The following DNAH6 variants were observed in gnomAD, a reference collection of about 807,000 sequenced individuals.
DNAH6 encodes axonemal beta dynein heavy chain 6.
DNAH6 carries 340 observed loss-of-function variants against 491.4 expected under a neutral mutation model. The observed-to-expected ratio is 0.69, with a 90% confidence interval of 0.63 to 0.76. The LOEUF (loss-of-function observed/expected upper bound fraction) is 0.76. Among genes scored for constraint, DNAH6 ranks in the 30% least tolerant of loss-of-function variants. The probability of loss-of-function intolerance (pLI) is 0.00; values close to 1 mark genes in which losing one functional copy is unlikely to be tolerated. For synonymous variants in DNAH6, 1,603 were observed against 1,686.1 expected (o/e 0.95, Z 1.21); for missense variants, 4,443 against 4,972.2 (o/e 0.89, Z 3.20).
At position 84,722,745 on chromosome 2, in the gene DNAH6, A is replaced by G. The variant is rs1417233847; in HGVS notation, c.9913A>G (p.Ile3305Val). 4 of 1,538,936 alleles carry G rather than the reference A, an allele frequency of 2.6e-6. No homozygotes were observed. Among genetic ancestry groups the G allele is most frequent in the African/African-American group, 1.4e-5 (1 of 72,006 alleles). ...ATQGSVMYFVIASLSEIDPMY... is the reference protein window; with the variant it reads ...ATQGSVMYFVVASLSEIDPMY... ...TCAAGGCTCTGTAATGTACTTTGTCATTGCAAGCCTCTCAGAAATAGATCC... is the reference window on the plus strand; with the variant it reads ...TCAAGGCTCTGTAATGTACTTTGTCGTTGCAAGCCTCTCAGAAATAGATCC... The change falls in exon 60 of 77, where the codon ATT becomes GTT. Residue 3305 changes from isoleucine to valine, a missense_variant. This residue lies in a region of DNAH6 where 1,463 missense variants were observed against 1,656.6 expected (regional missense o/e 0.88). Transcript: ENST00000389394.
At chr2:84,560,975 A>G (rs545588099) in intron 11 of DNAH6, among the ~76,000 whole-genome samples, 2 of 151,756 alleles carry the variant, frequency 1.3e-5, no homozygotes, top group South Asian at 4.2e-4. Context: ...GTATATACCC[A>G]GTAATGGGAT....
chr2:84,648,645 C>T (rs1690123648), intron 33 of DNAH6, among the ~76,000 whole-genome samples: 1 of 152,110 alleles, frequency 6.6e-6, no homozygotes, highest in South Asian at 2.1e-4. Context: ...AGAAGTGGAG[C>T]CTGAAGATGT....
intron 33 of DNAH6, among the ~76,000 whole-genome samples, chr2:84,652,351 T>C (rs1279784639): frequency 1.3e-5 from 2 of 152,084 alleles, no homozygotes; most frequent in Non-Finnish European, 1.5e-5. Context: ...ATTAGAGTCA[T>C]TGGGAATCAT....
At chr2:84,545,262 G>A (rs1678661988) in intron 5 of DNAH6, among the ~76,000 whole-genome samples, 1 of 152,026 alleles carries the variant, frequency 6.6e-6, no homozygotes, top group Non-Finnish European at 1.5e-5. Flanking sequence ...AACATTCAAG[G>A]TCTCTGGCTA....
At chr2:84,522,726 G>GT (rs369504245) in intron 2 of DNAH6, among the ~76,000 whole-genome samples, 57 of 151,916 alleles carry the variant, frequency 3.8e-4, no homozygotes, top group African/African-American at 1.0e-3. Context: ...AGATAATCAT[G>GT]TTTTTTTTGT....
intron 16 of DNAH6, among the ~76,000 whole-genome samples, chr2:84,589,812 G>A (rs1428363668): frequency 6.6e-6 from 1 of 151,652 alleles, no homozygotes; most frequent in East Asian, 1.9e-4. Flanking sequence ...TGCTTTCAAC[G>A]GCTTTTAGAG....
chr2:84,613,113 A>G (rs1686488052), intron 22 of DNAH6, among the ~76,000 whole-genome samples: 1 of 151,978 alleles, frequency 6.6e-6, no homozygotes. Flanking sequence ...GAAGAAAAAT[A>G]AAGTAGGGTA....
intron 57 of DNAH6, among the ~76,000 whole-genome samples, chr2:84,714,508 G>T (rs368252868): frequency 4.6e-5 from 7 of 152,092 alleles, no homozygotes; most frequent in East Asian, 1.9e-4. Context: ...CAAAAATATA[G>T]TTAGATAGAC....
chr2:84,798,058 T>C (rs549695106), intron 70 of DNAH6, among the ~76,000 whole-genome samples: 40 of 152,200 alleles, frequency 2.6e-4, no homozygotes, highest in Non-Finnish European at 5.1e-4. Flanking sequence ...GATTCAATTA[T>C]AAAAATACAG....
chr2:84,518,225 T>G (rs1416907291), intron 2 of DNAH6, among the ~76,000 whole-genome samples, 174 bp downstream of exon 2: 2 of 152,194 alleles, frequency 1.3e-5, no homozygotes, highest in African/African-American at 2.4e-5. Flanking sequence ...AAACAAATAT[T>G]AAGTTCTAGG....
At chr2:84,739,387 C>T (rs535750296) in intron 62 of DNAH6, among the ~76,000 whole-genome samples, 2 of 152,264 alleles carry the variant, frequency 1.3e-5, no homozygotes, top group African/African-American at 2.4e-5. Flanking sequence ...ATTTGCATGT[C>T]GACCTCTCTA....
intron 63 of DNAH6, among the ~76,000 whole-genome samples, chr2:84,760,823 G>A (rs890004879): frequency 1.3e-5 from 2 of 152,136 alleles, no homozygotes; most frequent in Non-Finnish European, 2.9e-5. Flanking sequence ...ACAGCTCACT[G>A]CAATCGCAAA....
At position 84,616,926 on chromosome 2, in the gene DNAH6, C is replaced by T; in HGVS notation, c.3516C>T (p.Asp1172=). Reference sequence around the variant, plus strand: ...TTCAAAACAATAATGCATTACTTGACCAAATTCAGAAGTGCCTAGAGGCAT... The same window carrying T: ...TTCAAAACAATAATGCATTACTTGATCAAATTCAGAAGTGCCTAGAGGCAT... The part of the protein sequence containing the change: ...ETFQNNNALL[D]QIQKCLEAYL... The change falls in exon 23 of 77, where the codon GAC becomes GAT. Residue 1172 remains aspartate, a synonymous_variant. Coordinates refer to ENST00000389394, the MANE Select transcript of DNAH6 (RefSeq NM_001370.2). The T allele has an allele frequency of 1.0e-5, 15 of 1,495,912 alleles. No homozygotes were observed. Among genetic ancestry groups the T allele is most frequent in the Non-Finnish European group, 1.3e-5 (15 of 1,126,508 alleles). 92.7% of individuals were successfully genotyped at this position (1,495,912 alleles called of 1,614,324 possible). A position where few individuals can be genotyped will look rare whatever the true frequency, so the allele number is the denominator to read the frequency against.
intron 4 of DNAH6, among the ~76,000 whole-genome samples, chr2:84,530,728 T>C (rs138769459): frequency 8.6e-4 from 131 of 152,158 alleles, no homozygotes; most frequent in African/African-American, 3.1e-3. Context: ...TGGTAAGAAA[T>C]AGGTCTGCTT....
rs890766147 is a variant in DNAH6 at position 84,693,094 on chromosome 2, A to G, written c.7293-1155A>G. On this transcript the variant is annotated intron_variant, in intron 45 of 76. Transcript: ENST00000389394. ...GGGTTCAGTCCCAGTGGTTTCTTCT[A>G]TTATGTCAGTCACCATTGCCTCAGT... Among the ~76,000 whole-genome samples, 15 of 152,108 alleles carry G rather than the reference A, an allele frequency of 9.9e-5. No homozygotes were observed. In the South Asian group the frequency reaches 2.3e-3, roughly 23 times the overall value.
chr2:84,778,184 G>A (rs1240669532), intron 64 of DNAH6: 1 of 709,122 alleles, frequency 1.4e-6, no homozygotes, highest in South Asian at 1.5e-5. Context: ...TCTTCTTCCT[G>A]TAGAAGATTA....
At chr2:84,781,020 G>A (rs1221520614) in intron 64 of DNAH6, among the ~76,000 whole-genome samples, 1 of 152,074 alleles carries the variant, frequency 6.6e-6, no homozygotes, top group Non-Finnish European at 1.5e-5. Context: ...CCTAGGTGGT[G>A]GTACATGTGC....
At chr2:84,680,842 G>A (rs1248932636) in intron 41 of DNAH6, among the ~76,000 whole-genome samples, 2 of 152,152 alleles carry the variant, frequency 1.3e-5, no homozygotes, top group African/African-American at 4.8e-5. Context: ...ACAGAAAATG[G>A]GAGGTGTATA....
At chr2:84,698,079 T>A (rs963159442) in intron 47 of DNAH6, among the ~76,000 whole-genome samples, 1 of 152,208 alleles carries the variant, frequency 6.6e-6, no homozygotes, top group African/African-American at 2.4e-5. Flanking sequence ...GTTGATGCCC[T>A]TGCCTAGCAG....
Sources: gnomAD v4.1 joint callset for allele counts (sites outside exome capture counted in the v4.1 genomes callset) on GRCh38, gnomAD v4.1.1 for gene constraint, gnomAD v4.1.1 regional missense constraint, MANE v1.5 for transcripts, NCBI Gene and HGNC (gene_info 2026-07-23, HGNC 2026-07-21) for gene names.